PEX5L: variants seen among roughly 807,000 people sequenced by gnomAD.
PEX5L encodes the protein peroxisomal biogenesis factor 5 like, also known as PEX5-related protein.
A neutral mutation model predicts 84.0 loss-of-function variants in PEX5L; 30 were observed. That is an observed-to-expected ratio of 0.36 (90% CI 0.27 to 0.48). The LOEUF is 0.48. Ranked by LOEUF, PEX5L falls within the 20% of genes least tolerant of loss-of-function variation. The pLI, the probability that PEX5L is intolerant of heterozygous loss-of-function variation, is 0.99. For synonymous variants in PEX5L, 270 were observed against 283.1 expected (o/e 0.95, Z 0.46); for missense variants, 533 against 754.6 (o/e 0.71, Z 3.44).
At chr3:180,025,240 C>T (rs940613359) in intron 1 of PEX5L, among the ~76,000 whole-genome samples, 2 of 152,160 alleles carry the variant, frequency 1.3e-5, no homozygotes, top group Non-Finnish European at 2.9e-5. Flanking sequence ...CTTAGCATCA[C>T]GGAGACCATC....
At chr3:180,024,347 AATATATATAT>A (rs148495757) in intron 1 of PEX5L, among the ~76,000 whole-genome samples, 2,367 of 107,632 alleles carry the variant, frequency 0.022, 260 homozygotes, top group African/African-American at 0.082. Flanking sequence ...GTCCCTACTA[AATATATATAT>A]ATATATATAT....
chr3:180,009,548 T>A (rs570686734), intron 1 of PEX5L, among the ~76,000 whole-genome samples: 1 of 151,818 alleles, frequency 6.6e-6, no homozygotes, highest in Non-Finnish European at 1.5e-5. Context: ...GAACTCAGCA[T>A]GAGTTACTGA....
chr3:179,811,212 AATGT>A (rs747006562), intron 11 of PEX5L, among the ~76,000 whole-genome samples: 183 of 70,490 alleles, frequency 2.6e-3, no homozygotes, highest in Admixed American at 5.5e-3. Context: ...TAACATATGG[AATGT>A]ATGTGTGTGT....
rs564601059 is a variant in PEX5L at position 179,858,171 on chromosome 3, A to T, written c.822+891T>A. Among the ~76,000 whole-genome samples, 9 of 152,298 alleles carry T rather than the reference A, an allele frequency of 5.9e-5. No individual in the cohort carries two copies. The South Asian group carries it at 1.7e-3, about 28-fold the overall frequency. ...TCTAGGAAGACAAGTCATATAAATG[A>T]ACCATATTCCAGAAATGCTTTCAAT... On this transcript the variant is annotated intron_variant, in intron 8 of 14. Transcript: ENST00000467460.
intron 1 of PEX5L, among the ~76,000 whole-genome samples, chr3:180,035,445 G>A (rs752395414): frequency 2.0e-5 from 3 of 152,028 alleles, no homozygotes; most frequent in Admixed American, 6.6e-5. Context: ...TTAGTCATAC[G>A]GGAAATCTTT....
At chr3:179,889,520 A>T (rs936278576) in intron 3 of PEX5L, among the ~76,000 whole-genome samples, 19 of 152,200 alleles carry the variant, frequency 1.2e-4, no homozygotes, top group South Asian at 8.3e-4. Flanking sequence ...ATGGGCTTTG[A>T]GAACGCTTTT....
intron 1 of PEX5L, among the ~76,000 whole-genome samples, chr3:180,021,282 T>C (rs898787869): frequency 7.2e-5 from 11 of 152,108 alleles, no homozygotes; most frequent in Admixed American, 4.6e-4. Context: ...AGGTTAGAGT[T>C]TGGAGTTCTT....
chr3:179,928,286 G>T (rs1439488986), intron 2 of PEX5L, among the ~76,000 whole-genome samples: 3 of 152,174 alleles, frequency 2.0e-5, no homozygotes, highest in Non-Finnish European at 4.4e-5. Context: ...AATAATATTT[G>T]CCAGATTAAA....
At chr3:179,919,365 G>T (rs1768434033) in intron 2 of PEX5L, among the ~76,000 whole-genome samples, 1 of 152,196 alleles carries the variant, frequency 6.6e-6, no homozygotes, top group African/African-American at 2.4e-5. Flanking sequence ...GAGCTAAATA[G>T]AAATCACTTT....
At chr3:179,850,013 G>T (rs1560371206) in intron 8 of PEX5L, among the ~76,000 whole-genome samples, 1 of 152,158 alleles carries the variant, frequency 6.6e-6, no homozygotes, top group Non-Finnish European at 1.5e-5. Flanking sequence ...GAAGTGAAAT[G>T]ATATGGCAAC....
Position 179,797,599 on chromosome 3 carries a change from A to ATATAT in PEX5L, c.*4228_*4229insATATA, listed in dbSNP as rs1372167222. 1 of 108,076 alleles carries ATATAT rather than the reference A, an allele frequency of 9.3e-6. No homozygotes were observed. Among genetic ancestry groups the ATATAT allele is most frequent in the Non-Finnish European group, 1.8e-5 (1 of 54,978 alleles). 6.7% of individuals were successfully genotyped at this position (108,076 alleles called of 1,614,324 possible). A position where few individuals can be genotyped will look rare whatever the true frequency, so the allele number is the denominator to read the frequency against. On this transcript the variant is annotated 3_prime_UTR_variant, in exon 15 of 15. Coordinates refer to ENST00000467460, the MANE Select transcript of PEX5L (RefSeq NM_016559.3). ...TCTATGAACACTCTTTAAAAAAAAA[A>ATATAT]AAAAAAATATATATATATATATATA...
At chr3:179,973,077 G>A (rs1785159298) in intron 1 of PEX5L, 3 of 729,088 alleles carry the variant, frequency 4.1e-6, no homozygotes, top group Middle Eastern at 3.1e-4. Context: ...TTTGTTCACT[G>A]GTTGCCATAA....
At chr3:179,874,747 T>TTG in intron 6 of PEX5L, among the ~76,000 whole-genome samples, 1 of 134,062 alleles carries the variant, frequency 7.5e-6, no homozygotes, top group South Asian at 2.6e-4. Flanking sequence ...TGTTTTTTTT[T>TTG]TTTTTTTTTT....
chr3:179,921,245 G>T (rs1055417651), intron 2 of PEX5L, among the ~76,000 whole-genome samples: 1 of 152,018 alleles, frequency 6.6e-6, no homozygotes, highest in Non-Finnish European at 1.5e-5. Context: ...GGGTAATGTG[G>T]AAAGACACAG....
At chr3:179,898,491 A>G (rs1260055811) in intron 2 of PEX5L, 2 of 355,176 alleles carry the variant, frequency 5.6e-6, no homozygotes, top group Non-Finnish European at 1.0e-5. Flanking sequence ...TTAACATAGT[A>G]TTTTATATGT....
chr3:179,955,216 G>T (rs1263286950), intron 2 of PEX5L, among the ~76,000 whole-genome samples: 1 of 152,118 alleles, frequency 6.6e-6, no homozygotes, highest in Non-Finnish European at 1.5e-5. Context: ...AAATAAGGAA[G>T]AATAATAAGA....
At chr3:180,010,246 C>CT (rs1178375452) in intron 1 of PEX5L, among the ~76,000 whole-genome samples, 1,386 of 105,116 alleles carry the variant, frequency 0.013, 84 homozygotes, top group African/African-American at 0.023. Context: ...CACCCGGCCT[C>CT]TTTTTTTTTT....
intron 8 of PEX5L, among the ~76,000 whole-genome samples, chr3:179,837,990 C>T (rs1231197713): frequency 6.6e-6 from 1 of 152,124 alleles, no homozygotes; most frequent in Non-Finnish European, 1.5e-5. Context: ...TGCATTCCCC[C>T]AAAAGTTTTA....
chr3:179,920,079 C>T (rs1768778658), intron 2 of PEX5L, among the ~76,000 whole-genome samples: 2 of 152,146 alleles, frequency 1.3e-5, no homozygotes, highest in Admixed American at 6.5e-5. Flanking sequence ...GGCAAAATGT[C>T]CATTAGAAAA....
Sources: allele counts gnomAD v4.1 joint callset (sites outside exome capture counted in the v4.1 genomes callset), GRCh38; gene constraint gnomAD v4.1.1; transcripts MANE v1.5; gene names NCBI Gene and HGNC (gene_info 2026-07-23, HGNC 2026-07-21).